The following NEBL variants were observed in gnomAD, a reference collection of about 807,000 sequenced individuals.
NEBL encodes the protein nebulette.
A neutral mutation model predicts 140.2 loss-of-function variants in NEBL; 122 were observed. The ratio of observed to expected loss-of-function variants is 0.87; its 90% CI spans 0.75 to 1.01. The LOEUF is 1.01. Ranked by LOEUF, NEBL falls within the 50% of genes least tolerant of loss-of-function variation. The probability of loss-of-function intolerance (pLI) is 0.00; values close to 1 mark genes in which losing one functional copy is unlikely to be tolerated. For synonymous variants in NEBL, 436 were observed against 398.9 expected (o/e 1.09, Z -1.11); for missense variants, 1,365 against 1,231.3 (o/e 1.11, Z -1.62).
intron 19 of NEBL, among the ~76,000 whole-genome samples, chr10:20,820,792 T>C (rs1454457931): frequency 6.6e-6 from 1 of 151,652 alleles, no homozygotes; most frequent in African/African-American, 2.4e-5. Flanking sequence ...GCCACTGCAC[T>C]CCAGCCTGGG....
chr10:20,808,561 A>G lies in NEBL; in HGVS notation c.2710T>C (p.Tyr904His). 6.2e-7 allele frequency: 1 copy of G among 1,614,044 alleles called. No homozygotes were observed. Among genetic ancestry groups the G allele is most frequent in the South Asian group, 1.1e-5 (1 of 91,088 alleles). The change falls in exon 26 of 28, where the codon TAC becomes CAC. Residue 904 changes from tyrosine (Y) to histidine (H), a missense_variant. Coordinates refer to ENST00000377122, the MANE Select transcript of NEBL (RefSeq NM_006393.3). ...TCACTGCAGCATGAAAAGCTAGGGT[A>G]AATCTCGGAGATTTCTGACCTGTCG... is the stretch of plus-strand genomic sequence containing the variant. Reference protein sequence around the residue: ...GDDRSEISEIYPSFSCCSEVT... With the variant: ...GDDRSEISEIHPSFSCCSEVT...
chr10:21,272,353 G>C (rs1033315080), intron 1 of NEBL, among the ~76,000 whole-genome samples: 1 of 152,134 alleles, frequency 6.6e-6, no homozygotes, highest in Non-Finnish European at 1.5e-5. Flanking sequence ...GGGAGGCCAA[G>C]ATGGAGGATC....
intron 14 of NEBL, among the ~76,000 whole-genome samples, chr10:20,833,235 G>A (rs938302113): frequency 1.3e-5 from 2 of 152,142 alleles, no homozygotes; most frequent in African/African-American, 4.8e-5. Flanking sequence ...TGTGTTTATA[G>A]TCTGAGTCAC....
At chr10:20,946,198 G>A (rs1298354082) in intron 4 of NEBL, among the ~76,000 whole-genome samples, 2 of 152,206 alleles carry the variant, frequency 1.3e-5, no homozygotes, top group African/African-American at 2.4e-5. Flanking sequence ...TAGGCTGTAT[G>A]AGCAAGGAGC....
chr10:21,062,636 A>G (rs755866707), intron 2 of NEBL, among the ~76,000 whole-genome samples: 7 of 152,150 alleles, frequency 4.6e-5, no homozygotes, highest in Non-Finnish European at 1.0e-4. Context: ...GCAGTGAACC[A>G]TGATTGCACC....
chr10:20,899,715 T>C, upstream of NEBL: 1 of 242,128 alleles, frequency 4.1e-6, no homozygotes, highest in Non-Finnish European at 8.2e-6. Flanking sequence ...TGTGTTCATT[T>C]GTTCAACAAA....
At chr10:21,217,063 G>A (rs1423306640) in intron 3 of NEBL, among the ~76,000 whole-genome samples, 2 of 152,126 alleles carry the variant, frequency 1.3e-5, no homozygotes, top group East Asian at 1.9e-4. Flanking sequence ...CTGGGAAGGG[G>A]CTCTGCACTG....
chr10:21,149,623 G>A (rs1243826436), intron 2 of NEBL, among the ~76,000 whole-genome samples: 2 of 152,184 alleles, frequency 1.3e-5, no homozygotes, highest in Non-Finnish European at 2.9e-5. Context: ...GTAAACATAA[G>A]CAAGGGTCTC....
intron 4 of NEBL, among the ~76,000 whole-genome samples, chr10:20,958,155 C>A (rs116589164): frequency 0.014 from 2,190 of 152,302 alleles, 47 homozygotes; most frequent in African/African-American, 0.05. Flanking sequence ...GTAGCAGCCA[C>A]AGAAAAGGGT....
chr10:21,255,971 G>C (rs558595345), intron 1 of NEBL, among the ~76,000 whole-genome samples: 2 of 145,308 alleles, frequency 1.4e-5, no homozygotes, highest in South Asian at 4.4e-4. Flanking sequence ...GACAGAGCGA[G>C]ACTCTGTCTC....
chr10:21,258,417 AAATTAGGCCAGGAGCT>A (rs1384659132), intron 1 of NEBL, among the ~76,000 whole-genome samples: 1 of 152,062 alleles, frequency 6.6e-6, no homozygotes. Context: ...AACAATACAA[AAATTAGGCCAGGAGCT>A]GTGGCTCGTA....
At chr10:21,075,627 T>C (rs751962557) in intron 2 of NEBL, among the ~76,000 whole-genome samples, 11 of 152,188 alleles carry the variant, frequency 7.2e-5, no homozygotes, top group Non-Finnish European at 1.3e-4. Flanking sequence ...GCGTGGATGA[T>C]CTGTCTAGAG....
intron 2 of NEBL, among the ~76,000 whole-genome samples, chr10:21,121,448 A>C (rs1477847723): frequency 6.6e-6 from 1 of 152,194 alleles, no homozygotes; most frequent in Non-Finnish European, 1.5e-5. Flanking sequence ...TAATTCATGA[A>C]TACCCTGCCA....
Position 20,940,104 on chromosome 10 carries a change from C to A in NEBL, c.357+21568G>T, listed in dbSNP as rs1279071784. ...GCGGACTTAATAGACATCTACAGAA[C>A]TCTCCACCCCAAATCAACAGAATAT... On this transcript the variant is annotated intron_variant, in intron 4 of 6. Transcript: ENST00000417816. Among the ~76,000 whole-genome samples the A allele has an allele frequency of 2.0e-5, 3 of 152,144 alleles. No individual in the cohort carries two copies. In the East Asian group the frequency reaches 5.8e-4, roughly 29 times the overall value.
At chr10:21,036,963 C>T (rs1213220784) in intron 2 of NEBL, among the ~76,000 whole-genome samples, 1 of 152,040 alleles carries the variant, frequency 6.6e-6, no homozygotes, top group Non-Finnish European at 1.5e-5. Context: ...TTGTTTATTC[C>T]AGAAACTCCA....
chr10:20,792,972 A>G (rs932929159), intron 26 of NEBL, among the ~76,000 whole-genome samples: 1 of 152,180 alleles, frequency 6.6e-6, no homozygotes, highest in South Asian at 2.1e-4. Context: ...ATCACAAGAC[A>G]TAAGTGGGAG....
chr10:20,838,789 C>A (rs1257198197), intron 13 of NEBL, among the ~76,000 whole-genome samples: 1 of 152,114 alleles, frequency 6.6e-6, no homozygotes, highest in Non-Finnish European at 1.5e-5. Context: ...GAGACAAGAC[C>A]CTCCGCCAGT....
chr10:21,169,528 G>A (rs1384508159), intron 2 of NEBL, among the ~76,000 whole-genome samples: 12 of 152,152 alleles, frequency 7.9e-5, no homozygotes. Context: ...TGCCCAGCCA[G>A]TTTACATGGC....
At chr10:21,286,701 G>T (rs1444454942) in intron 1 of NEBL, among the ~76,000 whole-genome samples, 2 of 152,194 alleles carry the variant, frequency 1.3e-5, no homozygotes, top group Non-Finnish European at 2.9e-5. Flanking sequence ...AGGCGTGGTG[G>T]TGGGCACCTG....
Sources: allele counts gnomAD v4.1 joint callset (sites outside exome capture counted in the v4.1 genomes callset), GRCh38; gene constraint gnomAD v4.1.1; transcripts MANE v1.5; gene names NCBI Gene and HGNC (gene_info 2026-07-23, HGNC 2026-07-21).